Variants in PTGDR observed in about 807,000 individuals in gnomAD.
The protein encoded by PTGDR is PGD2 receptor.
A neutral mutation model predicts 17.4 loss-of-function variants in PTGDR; 19 were observed. The observed-to-expected ratio is 1.09, with a 90% CI of 0.76 to 1.60. PTGDR has a LOEUF of 1.60. PTGDR is among the 40% of genes most tolerant of loss of function. The pLI, the probability that PTGDR is intolerant of heterozygous loss-of-function variation, is 0.00. For synonymous variants in PTGDR, 267 were observed against 224.2 expected (o/e 1.19, Z -1.71); for missense variants, 526 against 481.9 (o/e 1.09, Z -0.86).
intron 1 of PTGDR, among the ~76,000 whole-genome samples, chr14:52,269,976 A>C (rs2033294269): frequency 1.3e-5 from 2 of 152,160 alleles, no homozygotes; most frequent in Admixed American, 1.3e-4. Flanking sequence ...CATTCTTAAC[A>C]AGTTCCCAGG....
downstream of PTGDR, among the ~76,000 whole-genome samples, chr14:52,279,609 C>T (rs572068991): frequency 1.3e-5 from 2 of 152,130 alleles, no homozygotes; most frequent in South Asian, 4.2e-4. Flanking sequence ...CTCTCTCTAC[C>T]GTTTCACAAT....
In PTGDR at chr14:52,267,729, G is replaced by C. The variant is rs993983370; in HGVS notation, c.-86G>C. On this transcript the variant is annotated 5_prime_UTR_variant, in exon 1 of 2. Coordinates refer to ENST00000306051, the MANE Select transcript of PTGDR (RefSeq NM_000953.3). ...CAGCTTCTCCGCCCGAGCCGCGCGC[G>C]GAGCTGCCGGGGGCTCCTTAGCACC... 2 of 1,442,244 alleles carry C rather than the reference G, an allele frequency of 1.4e-6. No homozygotes were observed. Among genetic ancestry groups the C allele is most frequent in the Non-Finnish European group, 9.1e-7 (1 of 1,103,974 alleles). The allele number at this position is 1,442,244 out of a possible 1,614,324, so 89.3% of individuals were successfully genotyped here.
rs142412552 is a variant in PTGDR, at chr14:52,268,515, G to A, written c.701G>A (p.Arg234Gln). ...TATGCGATGCACCGGCGGCTGCAGC[G>A]GCACCCGCGCTCCTGCACCAGGGAC... ...NLYAMHRRLQ[R>Q]HPRSCTRDCA... is the part of the protein sequence containing the mutation. The change falls in exon 1 of 2, where the codon CGG (arginine) becomes CAG (glutamine). Residue 234 changes from arginine (R) to glutamine (Q), a missense_variant. Physicochemically the swap from Arg to Gln is conservative, Grantham distance 43 (BLOSUM62 1). Coordinates refer to ENST00000306051, the MANE Select transcript of PTGDR (RefSeq NM_000953.3). The A allele has an allele frequency of 1.2e-6, 2 of 1,611,514 alleles. No individual in the cohort carries two copies. The highest frequency in any genetic ancestry group is 8.5e-7 in the Non-Finnish European group (1 of 1,179,690).
Position 52,271,122 on chromosome 14 carries a change from G to A in PTGDR, c.846+2462G>A, listed in dbSNP as rs573196480. ...ACCTCAGTTTCCTCATCTGTAAAAT[G>A]ATTATAACCATACTTGTTTTGTAAG... On this transcript the variant is annotated intron_variant, in intron 1 of 1. Coordinates refer to ENST00000306051, the MANE Select transcript of PTGDR (RefSeq NM_000953.3). Among the ~76,000 whole-genome samples the A allele has an allele frequency of 1.2e-4, 18 of 152,262 alleles. No individual in the cohort carries two copies. In the South Asian group the frequency reaches 2.9e-3, roughly 25 times the overall value.
At chr14:52,273,683 G>A (rs1293492367) in intron 1 of PTGDR, among the ~76,000 whole-genome samples, 1 of 152,158 alleles carries the variant, frequency 6.6e-6, no homozygotes, top group African/African-American at 2.4e-5. Context: ...AAATGATTAT[G>A]GGAAAAATGC....
At chr14:52,269,497 G>T (rs942235357) in intron 1 of PTGDR, 1 of 1,535,204 alleles carries the variant, frequency 6.5e-7, no homozygotes, top group African/African-American at 1.4e-5. Context: ...AGTAGGTGAG[G>T]CTTGAGGAAA....
downstream of PTGDR, among the ~76,000 whole-genome samples, chr14:52,276,912 T>C (rs890491463): frequency 2.0e-5 from 3 of 152,194 alleles, no homozygotes; most frequent in African/African-American, 4.8e-5. Context: ...TTACTTTACA[T>C]TACTTTAAAC....
chr14:52,268,481 C>G lies in PTGDR; in HGVS notation c.667C>G (p.Arg223Gly). The change falls in exon 1 of 2, where the codon CGC (arginine) becomes GGC (glycine). Residue 223 changes from arginine (R) to glycine (G), a missense_variant. Transcript: ENST00000306051. ...CGTGCTGTGCAACCTCGGCGCCATGCGCAACCTCTATGCGATGCACCGGCG... is the reference window on the plus strand; with the variant it reads ...CGTGCTGTGCAACCTCGGCGCCATGGGCAACCTCTATGCGATGCACCGGCG... Reference protein sequence around the residue: ...ATVLCNLGAMRNLYAMHRRLQ... With the variant: ...ATVLCNLGAMGNLYAMHRRLQ... 4 of 1,610,472 alleles carry G rather than the reference C, an allele frequency of 2.5e-6. No individual in the cohort carries two copies. The highest frequency in any genetic ancestry group is 3.4e-6 in the Non-Finnish European group (4 of 1,179,978).
chr14:52,274,922 G>A lies in PTGDR; in HGVS notation c.1038G>A (p.Arg346=), dbSNP rs1261682810. 5 of 1,601,916 alleles carry A rather than the reference G, an allele frequency of 3.1e-6. No individual in the cohort carries two copies. Among genetic ancestry groups the A allele is most frequent in the Non-Finnish European group, 4.3e-6 (5 of 1,169,300 alleles). The change falls in exon 2 of 2, where the codon AGG becomes AGA. Residue 346 remains arginine (R), a synonymous_variant. Transcript: ENST00000306051. ...TTTTCATTAGACCTCTTAGGTACAGGAGCCGGTGCAGCAATTCCACTAACA... is the reference window on the plus strand; with the variant it reads ...TTTTCATTAGACCTCTTAGGTACAGAAGCCGGTGCAGCAATTCCACTAACA... ...HKIFIRPLRY[R]SRCSNSTNME...
intron 1 of PTGDR, 152 bp from the exon 2 acceptor site, chr14:52,274,579 A>T: frequency 1.5e-6 from 1 of 659,456 alleles, no homozygotes; most frequent in Admixed American, 2.8e-5. Flanking sequence ...TGCACCCATC[A>T]GCTGCTGTGG....
chr14:52,268,358 T>A lies in PTGDR; in HGVS notation c.544T>A (p.Trp182Arg). 6.2e-7 allele frequency: 1 copy of A among 1,613,224 alleles called. No individual in the cohort carries two copies. The highest frequency in any genetic ancestry group is 8.5e-7 in the Non-Finnish European group (1 of 1,180,036). Residue 182 changes from tryptophan (W) to arginine (R), a missense_variant, in exon 1 of 2, where the codon TGG becomes AGG. Coordinates refer to ENST00000306051, the MANE Select transcript of PTGDR (RefSeq NM_000953.3). The part of the protein sequence containing the change: ...GKFVQYCPGT[W>R]CFIQMVHEEG... The stretch of plus-strand genomic sequence containing the variant: ...GTTCGTGCAGTACTGCCCCGGCACC[T>A]GGTGCTTTATCCAGATGGTCCACGA...
chr14:52,278,639 GA>G (rs201299909), downstream of PTGDR, among the ~76,000 whole-genome samples: 63 of 151,658 alleles, frequency 4.2e-4, 1 homozygote, highest in East Asian at 3.3e-3. Context: ...TTAAAAAAAA[GA>G]AAAAAAATAA....
chr14:52,279,527 G>A (rs1170074837), downstream of PTGDR, among the ~76,000 whole-genome samples: 1 of 152,128 alleles, frequency 6.6e-6, no homozygotes, highest in Non-Finnish European at 1.5e-5. Context: ...AGGATTGCTG[G>A]TCTGGGTGTT....
chr14:52,268,979 A>C (rs2033274006), intron 1 of PTGDR, among the ~76,000 whole-genome samples: 1 of 151,820 alleles, frequency 6.6e-6, no homozygotes. Context: ...TCTCGAGGTC[A>C]TTTTTGCGCC....
Position 52,274,801 on chromosome 14 carries a change from T to A in PTGDR, c.917T>A (p.Leu306His), listed in dbSNP as rs375519057. The change falls in exon 2 of 2, where the codon CTC becomes CAC. Residue 306 changes from leucine (L) to histidine (H), a missense_variant. Physicochemically the swap from Leu to His is moderately conservative, Grantham distance 99. Coordinates refer to ENST00000306051, the MANE Select transcript of PTGDR (RefSeq NM_000953.3). Reference sequence around the variant, plus strand: ...AGGACCTCTGAAGAAGCAGAAGACCTCCGAGCCTTGCGATTTCTATCTGTG... The same window carrying A: ...AGGACCTCTGAAGAAGCAGAAGACCACCGAGCCTTGCGATTTCTATCTGTG... ...KNRTSEEAEDLRALRFLSVIS... is the reference protein window; with the variant it reads ...KNRTSEEAEDHRALRFLSVIS... The A allele has an allele frequency of 1.9e-6, 3 of 1,613,686 alleles. No individual in the cohort carries two copies. The African/African-American group carries it at 4.0e-5, about 22-fold the overall frequency.
At position 52,274,961 on chromosome 14, in the gene PTGDR, G is replaced by A; in HGVS notation, c.1077G>A (p.Leu359=). Residue 359 remains leucine, a synonymous_variant, in exon 2 of 2, where the codon CTG becomes CTA. Transcript: ENST00000306051. The part of the protein sequence containing the change: ...CSNSTNMESS[L] The stretch of plus-strand genomic sequence containing the variant: ...ATTCCACTAACATGGAATCCAGTCT[G>A]TGACAGTGTTTTTCACTCTGTGGTA... 2 of 1,552,028 alleles carry A rather than the reference G, an allele frequency of 1.3e-6. No individual in the cohort carries two copies. The highest frequency in any genetic ancestry group is 1.8e-6 in the Non-Finnish European group (2 of 1,126,472).
intron 1 of PTGDR, among the ~76,000 whole-genome samples, chr14:52,274,467 G>A (rs2033381347): frequency 6.6e-6 from 1 of 152,204 alleles, no homozygotes; most frequent in Admixed American, 6.5e-5. Context: ...CCAGCAGGTA[G>A]AATAGCCTTC....
rs1465773495 is a variant in PTGDR at position 52,268,481 on chromosome 14, C to T, written c.667C>T (p.Arg223Cys). Residue 223 changes from arginine to cysteine, a missense_variant, in exon 1 of 2, where the codon CGC becomes TGC. Physicochemically the swap from Arg to Cys is radical, Grantham distance 180. Transcript: ENST00000306051. Reference protein sequence around the residue: ...ATVLCNLGAMRNLYAMHRRLQ... With the variant: ...ATVLCNLGAMCNLYAMHRRLQ... ...CGTGCTGTGCAACCTCGGCGCCATG[C>T]GCAACCTCTATGCGATGCACCGGCG... 2 of 1,610,354 alleles carry T rather than the reference C, an allele frequency of 1.2e-6. No individual in the cohort carries two copies. The highest frequency in any genetic ancestry group is 2.2e-5 in the East Asian group (1 of 44,886).
chr14:52,271,986 T>C (rs1404232237), intron 1 of PTGDR, among the ~76,000 whole-genome samples: 2 of 152,240 alleles, frequency 1.3e-5, no homozygotes, highest in Admixed American at 6.5e-5. Flanking sequence ...TTTTTTCTAT[T>C]TGCCCCTTTC....
Sources: gnomAD v4.1 joint callset for allele counts (sites outside exome capture counted in the v4.1 genomes callset) on GRCh38, gnomAD v4.1.1 for gene constraint, MANE v1.5 for transcripts, NCBI Gene and HGNC (gene_info 2026-07-23, HGNC 2026-07-21) for gene names.